Variants in CCT2 observed in about 807,000 individuals in gnomAD.
CCT2 encodes the protein T-complex protein 1 subunit beta.
A neutral mutation model predicts 61.8 loss-of-function variants in CCT2; 18 were observed. The ratio of observed to expected loss-of-function variants is 0.29; its 90% CI spans 0.20 to 0.43. The LOEUF (loss-of-function observed/expected upper bound fraction) is 0.43, where lower values mean the gene tolerates loss of function less well. CCT2 is among the 20% of genes least tolerant of loss of function. The pLI, the probability that CCT2 is intolerant of heterozygous loss-of-function variation, is 1.00. For missense variants in CCT2, 556 were observed against 656.9 expected (o/e 0.85, Z 1.68); for synonymous variants, 248 against 215.9 (o/e 1.15, Z -1.30).
intron 7 of CCT2, among the ~76,000 whole-genome samples, chr12:69,590,514 C>T (rs1338938164): frequency 6.6e-6 from 1 of 151,492 alleles, no homozygotes; most frequent in African/African-American, 2.4e-5. Context: ...ATTTACTTCA[C>T]AAAATGGCCT....
At chr12:69,586,602 A>G in intron 2 of CCT2, 151 bp from the exon 3 acceptor site, 1 of 673,808 alleles carries the variant, frequency 1.5e-6, no homozygotes, top group Non-Finnish European at 2.6e-6. Flanking sequence ...CAGGAGGCGG[A>G]GGTTGCAGTG....
chr12:69,597,504 C>A, intron 11 of CCT2, 134 bp from the exon 12 acceptor site: 2 of 1,074,048 alleles, frequency 1.9e-6, no homozygotes, highest in Non-Finnish European at 2.7e-6. Context: ...CCATTATGAG[C>A]CTTGATTGTT....
intron 10 of CCT2, among the ~76,000 whole-genome samples, chr12:69,596,674 T>C (rs907800262): frequency 1.3e-5 from 2 of 152,220 alleles, no homozygotes; most frequent in South Asian, 2.1e-4. Context: ...GGTTGACTTA[T>C]AGGACAAATA....
At chr12:69,587,706 C>A in intron 4 of CCT2, 90 bp downstream of exon 4, 2 of 840,628 alleles carry the variant, frequency 2.4e-6, no homozygotes, top group South Asian at 1.6e-5. Flanking sequence ...GTTGACCAAT[C>A]GTACTGTCAA....
chr12:69,587,278 T>TAA (rs1468549935), intron 3 of CCT2: 1 of 439,868 alleles, frequency 2.3e-6, no homozygotes, highest in African/African-American at 2.0e-5. Context: ...TTTTTGCAGT[T>TAA]ACGGTGTTGA....
At chr12:69,585,546 C>A (rs764087041) in intron 1 of CCT2, 22 bp downstream of exon 1, 1 of 1,570,604 alleles carries the variant, frequency 6.4e-7, no homozygotes. Flanking sequence ...TCCCCTGCCT[C>A]TTGCCCTACC....
intron 7 of CCT2, among the ~76,000 whole-genome samples, chr12:69,590,310 C>T (rs1026999569): frequency 2.6e-5 from 4 of 151,978 alleles, no homozygotes; most frequent in Non-Finnish European, 4.4e-5. Context: ...GAACCAGTCC[C>T]CTTCGTATAC....
chr12:69,590,488 A>C (rs1389263257), intron 7 of CCT2, among the ~76,000 whole-genome samples: 1 of 152,138 alleles, frequency 6.6e-6, no homozygotes, highest in Admixed American at 6.5e-5. Context: ...AGTTTTCCAG[A>C]TCATCTTCAC....
At position 69,597,651 on chromosome 12, in the gene CCT2, C is replaced by T; in HGVS notation, c.1116C>T (p.Thr372=). ...TTTTAATTTTAGGTGAGGCTTGTAC[C>T]ATTGTTTTGCGTGGTGCCACTCAAC... The part of the protein sequence containing the change: ...FSGVALGEAC[T]IVLRGATQQI... Residue 372 remains threonine, a synonymous_variant, in exon 12 of 16, where the codon ACC becomes ACT. Coordinates refer to ENST00000299300, the MANE Select transcript of CCT2 (RefSeq NM_006431.3). 6.2e-7 allele frequency: 1 copy of T among 1,613,634 alleles called. No individual in the cohort carries two copies. Among genetic ancestry groups the T allele is most frequent in the Non-Finnish European group, 8.5e-7 (1 of 1,179,842 alleles).
intron 10 of CCT2, among the ~76,000 whole-genome samples, chr12:69,596,163 T>C (rs1593100367): frequency 6.6e-6 from 1 of 152,356 alleles, no homozygotes; most frequent in South Asian, 2.1e-4. Context: ...ACGTCCCAAA[T>C]ATCTGTTGTG....
At chr12:69,588,045 T>G (rs966851786) in intron 5 of CCT2, 39 bp downstream of exon 5, 4 of 1,577,472 alleles carry the variant, frequency 2.5e-6, no homozygotes, top group Non-Finnish European at 3.5e-6. Flanking sequence ...CTACTGTGTT[T>G]TTGAGTATCA....
chr12:69,591,145 C>T (rs1021224104), intron 7 of CCT2, among the ~76,000 whole-genome samples: 2 of 152,152 alleles, frequency 1.3e-5, no homozygotes, highest in Non-Finnish European at 2.9e-5. Flanking sequence ...GAACTTTAGT[C>T]ATTTAGTCAT....
At chr12:69,597,020 T>G in intron 10 of CCT2, 136 bp from the exon 11 acceptor site, 1 of 654,472 alleles carries the variant, frequency 1.5e-6, no homozygotes, top group Middle Eastern at 3.5e-4. Context: ...TTAAAAAGAG[T>G]GCCAGGAATA....
chr12:69,589,773 CT>C, intron 7 of CCT2, 86 bp downstream of exon 7: 1 of 1,056,890 alleles, frequency 9.5e-7, no homozygotes, highest in Non-Finnish European at 1.4e-6. Context: ...ACCAGTGACC[CT>C]TTACAAAGCC....
chr12:69,585,479 G>A lies in CCT2; in HGVS notation c.-43G>A, dbSNP rs372102946. 2.1e-5 allele frequency: 33 copies of A among 1,556,664 alleles called. No homozygotes were observed. Among genetic ancestry groups the A allele is most frequent in the African/African-American group, 4.1e-5 (3 of 73,458 alleles). Reference sequence around the variant, plus strand: ...CCTTCAGTCCGCTGGTCCCGAGCACGAGCTGTGAGGGGATTCACTTGTGTG... The same window carrying A: ...CCTTCAGTCCGCTGGTCCCGAGCACAAGCTGTGAGGGGATTCACTTGTGTG... On this transcript the variant is annotated 5_prime_UTR_variant, in exon 1 of 16. Coordinates refer to ENST00000299300, the MANE Select transcript of CCT2 (RefSeq NM_006431.3).
Position 69,601,502 on chromosome 12 carries a change from A to C in CCT2, c.*177A>C, listed in dbSNP as rs1453706105. The C allele has an allele frequency of 6.9e-7, 1 of 1,459,134 alleles. No homozygotes were observed. The highest frequency in any genetic ancestry group is 9.0e-7 in the Non-Finnish European group (1 of 1,106,806). 90.4% of individuals were successfully genotyped at this position (1,459,134 alleles called of 1,614,324 possible). ...TAATTTATTTGCCGTGTCATTTTCC[A>C]TACAAATCAGTTGATTTAAAAAAGT... On this transcript the variant is annotated 3_prime_UTR_variant, in exon 16 of 16. Coordinates refer to ENST00000299300, the MANE Select transcript of CCT2 (RefSeq NM_006431.3).
chr12:69,599,102 C>G (rs1371051858), intron 14 of CCT2, among the ~76,000 whole-genome samples: 1 of 152,122 alleles, frequency 6.6e-6, no homozygotes, highest in Admixed American at 6.5e-5. Context: ...ATTATTATAA[C>G]TGACACAATG....
intron 6 of CCT2, chr12:69,589,089 C>T (rs1054040995): frequency 6.6e-5 from 14 of 210,842 alleles, no homozygotes; most frequent in Non-Finnish European, 9.5e-5. Flanking sequence ...CCATCATAGC[C>T]AGCTAATTTT....
Position 69,598,374 on chromosome 12 carries a change from C to T in CCT2, c.1388C>T (p.Ala463Val), listed in dbSNP as rs373057389. The T allele has an allele frequency of 6.2e-7, 1 of 1,606,378 alleles. No homozygotes were observed. The highest frequency in any genetic ancestry group is 8.5e-7 in the Non-Finnish European group (1 of 1,176,662). The change falls in exon 14 of 16, where the codon GCA becomes GTA. Residue 463 changes from alanine to valine, a missense_variant. Ala to Val is a moderately conservative substitution (Grantham distance 64). Transcript: ENST00000299300. ...NAGYDSADLVAQLRAAHSEGN... is the reference protein window; with the variant it reads ...NAGYDSADLVVQLRAAHSEGN... ...GGCTATGACAGTGCAGACCTGGTGG[C>T]ACAGCTCAGGGCTGCTCACAGTGAA...
Sources: gnomAD v4.1 joint callset for allele counts (sites outside exome capture counted in the v4.1 genomes callset) on GRCh38, gnomAD v4.1.1 for gene constraint, MANE v1.5 for transcripts, NCBI Gene and HGNC (gene_info 2026-07-23, HGNC 2026-07-21) for gene names.